ZBTB8OS: variants seen among roughly 807,000 people sequenced by gnomAD.
ZBTB8OS encodes the protein tRNA splicing ligase complex subunit 1.
In ZBTB8OS, 16 loss-of-function variants were observed where a neutral mutation model predicts 29.3. The observed-to-expected ratio is 0.55, with a 90% confidence interval of 0.37 to 0.83. The LOEUF is 0.83. ZBTB8OS is among the 40% of genes least tolerant of loss of function. The pLI is 0.00. For synonymous variants in ZBTB8OS, 70 were observed against 64.6 expected, an observed-to-expected ratio of 1.08 and a Z score of -0.40; for missense variants, 160 against 196.9, an observed-to-expected ratio of 0.81 and a Z score of 1.12.
intron 5 of ZBTB8OS, among the ~76,000 whole-genome samples, chr1:32,629,989 G>C (rs942371265): frequency 2.0e-5 from 3 of 151,890 alleles, no homozygotes; most frequent in Non-Finnish European, 2.9e-5. Context: ...TTGACCTCCT[G>C]ATCTGCCCGC....
intron 1 of ZBTB8OS, among the ~76,000 whole-genome samples, chr1:32,639,232 A>G (rs907372376): frequency 2.6e-5 from 4 of 151,428 alleles, no homozygotes; most frequent in Non-Finnish European, 5.9e-5. Flanking sequence ...TGGGAGGTAG[A>G]GGTTGCAGTG....
intron 4 of ZBTB8OS, chr1:32,633,151 G>A (rs1239523067): frequency 6.6e-6 from 1 of 151,504 alleles, no homozygotes; most frequent in African/African-American, 2.5e-5. Context: ...AGGCCAATGT[G>A]ACAGGGCTAC....
At chr1:32,633,196 A>G (rs970184347) in intron 4 of ZBTB8OS, 1 of 152,740 alleles carries the variant, frequency 6.5e-6, no homozygotes, top group Non-Finnish European at 1.5e-5. Flanking sequence ...AAATGGATGG[A>G]CATAAATATA....
intron 1 of ZBTB8OS, among the ~76,000 whole-genome samples, chr1:32,641,794 G>A (rs1646431136): frequency 6.6e-6 from 1 of 151,364 alleles, no homozygotes; most frequent in South Asian, 2.1e-4. Context: ...GGTGGCTGGC[G>A]CCTGTAGTCC....
intron 1 of ZBTB8OS, among the ~76,000 whole-genome samples, chr1:32,636,383 C>T (rs1430040454): frequency 1.3e-5 from 2 of 152,044 alleles, no homozygotes; most frequent in Non-Finnish European, 2.9e-5. Context: ...ACCCATTGGG[C>T]GGTTACACTT....
At chr1:32,632,844 A>T (rs1645679170) in intron 4 of ZBTB8OS, among the ~76,000 whole-genome samples, 1 of 152,126 alleles carries the variant, frequency 6.6e-6, no homozygotes, top group Non-Finnish European at 1.5e-5. Flanking sequence ...GCTGGGGGAA[A>T]ACAGATATAT....
At chr1:32,641,239 G>A (rs1257235029) in intron 1 of ZBTB8OS, among the ~76,000 whole-genome samples, 3 of 138,602 alleles carry the variant, frequency 2.2e-5, no homozygotes, top group African/African-American at 5.3e-5. Context: ...AACGGACCTA[G>A]TTCAGCTCAC....
chr1:32,622,621 A>AT (rs1644832814), intron 6 of ZBTB8OS, among the ~76,000 whole-genome samples: 1 of 152,154 alleles, frequency 6.6e-6, no homozygotes, highest in South Asian at 2.1e-4. Flanking sequence ...TATTATGCTG[A>AT]TTACCTAGGT....
At chr1:32,644,622 G>A (rs1430787541) in intron 1 of ZBTB8OS, among the ~76,000 whole-genome samples, 4 of 143,260 alleles carry the variant, frequency 2.8e-5, no homozygotes, top group Non-Finnish European at 4.5e-5. Flanking sequence ...AACCTTGAAC[G>A]CCTGAGCTCA....
intron 5 of ZBTB8OS, among the ~76,000 whole-genome samples, chr1:32,628,486 A>C (rs1486418286): frequency 2.0e-5 from 3 of 150,894 alleles, no homozygotes; most frequent in Non-Finnish European, 4.4e-5. Context: ...AAAATACAAA[A>C]ATTAGCCAGG....
intron 1 of ZBTB8OS, 62 bp downstream of exon 1, chr1:32,650,371 G>T: frequency 1.2e-6 from 2 of 1,601,102 alleles, no homozygotes; most frequent in South Asian, 2.2e-5. Context: ...AGGAAGCCGC[G>T]GGTAAGGAGA....
chr1:32,643,997 T>C (rs1646639657), intron 1 of ZBTB8OS, among the ~76,000 whole-genome samples: 1 of 151,874 alleles, frequency 6.6e-6, no homozygotes, highest in Non-Finnish European at 1.5e-5. Context: ...CGGCTAATGC[T>C]CAAAATTCTC....
chr1:32,624,739 C>T (rs1257096303), intron 6 of ZBTB8OS, among the ~76,000 whole-genome samples: 2 of 150,460 alleles, frequency 1.3e-5, no homozygotes, highest in Non-Finnish European at 3.0e-5. Flanking sequence ...ACTAAAAATA[C>T]AAAAATTAGC....
intron 1 of ZBTB8OS, among the ~76,000 whole-genome samples, chr1:32,637,461 C>CGG (rs1646062110): frequency 6.6e-6 from 1 of 151,464 alleles, no homozygotes; most frequent in Non-Finnish European, 1.5e-5. Context: ...CCAGCTACTC[C>CGG]GGAAGCTGAG....
chr1:32,624,177 C>T (rs1644941782), intron 6 of ZBTB8OS, among the ~76,000 whole-genome samples: 1 of 152,148 alleles, frequency 6.6e-6, no homozygotes, highest in Non-Finnish European at 1.5e-5. Context: ...TACCCAGTCT[C>T]GGGTATGTCT....
intron 1 of ZBTB8OS, among the ~76,000 whole-genome samples, chr1:32,643,070 C>CTTTT (rs71006346): frequency 2.8e-5 from 3 of 107,496 alleles, no homozygotes; most frequent in East Asian, 3.0e-4. Flanking sequence ...CGTGCCTGGC[C>CTTTT]TTTTTTTTTT....
At chr1:32,646,516 T>C (rs1470119538) in intron 1 of ZBTB8OS, among the ~76,000 whole-genome samples, 2 of 151,178 alleles carry the variant, frequency 1.3e-5, no homozygotes, top group East Asian at 4.0e-4. Flanking sequence ...GCCTCCCGAG[T>C]AGCTGGGACT....
chr1:32,631,847 AT>A lies in ZBTB8OS; in HGVS notation c.359del (p.Asn120IlefsTer27). ...EVKVLSIDQRNFKLRSIGWGE... is the reference protein window; with the variant it reads ...EVKVLSIDQRXFKLRSIGWGE... ...CTTACCCAATTGATCGTAATTTGAA[AT>A]TTCTTTGATCAATGCTAAGTACTTT... On this transcript the variant is annotated frameshift_variant, in exon 5 of 7. Transcript: ENST00000468695. LOFTEE classifies it high-confidence loss of function. 6.3e-7 allele frequency: 1 copy of A among 1,597,390 alleles called. No homozygotes were observed. The highest frequency in any genetic ancestry group is 1.1e-5 in the South Asian group (1 of 87,670).
intron 1 of ZBTB8OS, among the ~76,000 whole-genome samples, chr1:32,649,056 CTCCTGGGT>C (rs964292790): frequency 1.4e-5 from 2 of 146,350 alleles, no homozygotes; most frequent in African/African-American, 5.1e-5. Context: ...AGCCTCCACC[CTCCTGGGT>C]TCAAGCAATT....
Sources: gnomAD v4.1 joint callset for allele counts (sites outside exome capture counted in the v4.1 genomes callset) on GRCh38, gnomAD v4.1.1 for gene constraint, MANE v1.5 for transcripts, NCBI Gene and HGNC (gene_info 2026-07-23, HGNC 2026-07-21) for gene names.